Variants in CFAP77 observed in about 807,000 individuals in gnomAD.
CFAP77 encodes the protein cilia- and flagella-associated protein 77.
Under a neutral mutation model 31.1 loss-of-function variants are expected in CFAP77, and 25 were observed. The observed-to-expected ratio is 0.80, with a 90% confidence interval of 0.59 to 1.12. The LOEUF is 1.12. Among genes scored for constraint, CFAP77 ranks in the 50% most tolerant of loss-of-function variants. The probability of loss-of-function intolerance (pLI) is 0.00; values close to 1 mark genes in which losing one functional copy is unlikely to be tolerated. For synonymous variants in CFAP77, 151 were observed against 159.9 expected (o/e 0.94, Z 0.42); for missense variants, 377 against 397.3 (o/e 0.95, Z 0.44).
At chr9:132,510,697 G>A (rs570136401) in intron 3 of CFAP77, among the ~76,000 whole-genome samples, 1 of 152,110 alleles carries the variant, frequency 6.6e-6, no homozygotes, top group Non-Finnish European at 1.5e-5. Flanking sequence ...TCGTGTGGAG[G>A]AACAGTGAGC....
At chr9:132,494,038 A>G (rs1851697674) in intron 1 of CFAP77, among the ~76,000 whole-genome samples, 1 of 152,014 alleles carries the variant, frequency 6.6e-6, no homozygotes. Context: ...CAGCCTCCCA[A>G]GTAGCTGGAA....
chr9:132,519,358 G>C (rs1402389476), intron 3 of CFAP77, among the ~76,000 whole-genome samples: 1 of 147,676 alleles, frequency 6.8e-6, no homozygotes, highest in Non-Finnish European at 1.5e-5. Flanking sequence ...GCAAGTGGGT[G>C]GATGGTTGGG....
At chr9:132,543,688 C>G (rs769595573) in intron 5 of CFAP77, among the ~76,000 whole-genome samples, 1 of 152,138 alleles carries the variant, frequency 6.6e-6, no homozygotes, top group Non-Finnish European at 1.5e-5. Flanking sequence ...GAGAGAGGAG[C>G]AAAGGTCTAC....
intron 1 of CFAP77, among the ~76,000 whole-genome samples, chr9:132,461,218 T>G (rs968389898): frequency 6.6e-6 from 1 of 152,198 alleles, no homozygotes; most frequent in African/African-American, 2.4e-5. Context: ...ATCACACTTC[T>G]TATAGATGGA....
chr9:132,421,002 CTTTTT>C (rs754764941), intron 1 of CFAP77, among the ~76,000 whole-genome samples: 1 of 74,514 alleles, frequency 1.3e-5, no homozygotes. Flanking sequence ...TGGCTTGTGT[CTTTTT>C]TTTTTTTTTT....
intron 3 of CFAP77, among the ~76,000 whole-genome samples, chr9:132,508,765 C>T (rs777175233): frequency 6.6e-6 from 1 of 152,154 alleles, no homozygotes; most frequent in African/African-American, 2.4e-5. Flanking sequence ...AGCCCTGTAC[C>T]TCATCTCATT....
chr9:132,536,199 G>A (rs777717194), intron 3 of CFAP77, among the ~76,000 whole-genome samples: 17 of 152,128 alleles, frequency 1.1e-4, no homozygotes, highest in Admixed American at 7.9e-4. Flanking sequence ...TAGGGGAGCT[G>A]GGAGTTATTA....
At chr9:132,518,840 G>A (rs1207652718) in intron 3 of CFAP77, among the ~76,000 whole-genome samples, 1 of 152,220 alleles carries the variant, frequency 6.6e-6, no homozygotes, top group Non-Finnish European at 1.5e-5. Flanking sequence ...GCAGGTGGCT[G>A]TCTACACTGG....
chr9:132,410,383 G>C lies in CFAP77; in HGVS notation c.112G>C (p.Val38Leu). Residue 38 changes from valine to leucine, a missense_variant, in exon 1 of 6, where the codon GTG becomes CTG. Val to Leu is a conservative substitution (Grantham distance 32). Coordinates refer to ENST00000393216, the MANE Select transcript of CFAP77 (RefSeq NM_001282957.2). ...VCPPPRRPLT[V>L]ADIRSGMENE... ...CCCGCCCCCGCGGCGGCCCCTGACC[G>C]TGGCGGACATCCGTTCCGGCATGGA... 1 of 1,600,354 alleles carries C rather than the reference G, an allele frequency of 6.2e-7. No individual in the cohort carries two copies.
intron 3 of CFAP77, among the ~76,000 whole-genome samples, chr9:132,521,128 G>A (rs1852256591): frequency 6.6e-6 from 1 of 152,032 alleles, no homozygotes. Flanking sequence ...CTGCCGGCCT[G>A]GCCGGGCTCT....
At chr9:132,529,597 C>T (rs935279560) in intron 3 of CFAP77, among the ~76,000 whole-genome samples, 1 of 151,124 alleles carries the variant, frequency 6.6e-6, no homozygotes, top group Admixed American at 6.6e-5. Context: ...GAGGCCGAGG[C>T]GGACGGATCA....
intron 3 of CFAP77, among the ~76,000 whole-genome samples, chr9:132,529,824 CAAA>C (rs572231164): frequency 8.6e-6 from 1 of 116,052 alleles, no homozygotes. Flanking sequence ...GACTCTGTCT[CAAA>C]AAAAAAAAAA....
At chr9:132,447,151 C>T (rs1850738282) in intron 1 of CFAP77, among the ~76,000 whole-genome samples, 1 of 152,242 alleles carries the variant, frequency 6.6e-6, no homozygotes, top group East Asian at 1.9e-4. Context: ...AGGATTCAGA[C>T]CCCAGTCTGA....
intron 3 of CFAP77, among the ~76,000 whole-genome samples, chr9:132,519,378 GGATA>G: frequency 6.9e-6 from 1 of 145,552 alleles, no homozygotes; most frequent in African/African-American, 2.6e-5. Context: ...GTGGATGGAT[GGATA>G]GGTGGATGGA....
At chr9:132,562,990 A>G (rs1829839221) in intron 5 of CFAP77, among the ~76,000 whole-genome samples, 2 of 151,202 alleles carry the variant, frequency 1.3e-5, no homozygotes, top group South Asian at 4.2e-4. Flanking sequence ...GAGCCACCCC[A>G]CCTGGCCGCA....
At chr9:132,555,991 C>T (rs777647944) in intron 5 of CFAP77, among the ~76,000 whole-genome samples, 8 of 152,038 alleles carry the variant, frequency 5.3e-5, no homozygotes, top group South Asian at 4.2e-4. Flanking sequence ...TCAGGTTCCG[C>T]GCACAGATAG....
intron 1 of CFAP77, among the ~76,000 whole-genome samples, chr9:132,452,162 C>T (rs1312452335): frequency 2.0e-5 from 3 of 152,214 alleles, no homozygotes; most frequent in Non-Finnish European, 4.4e-5. Context: ...CCCATTAGGG[C>T]TCCCCTTGCT....
rs574061512 is a variant in CFAP77 at position 132,414,935 on chromosome 9, C to T, written c.195+4469C>T. On this transcript the variant is annotated intron_variant, in intron 1 of 5. Coordinates refer to ENST00000393216, the MANE Select transcript of CFAP77 (RefSeq NM_001282957.2). ...CATCTCTAATAAATATTGATGCTGG[C>T]GAACATAAAGGCACGGAGAGGGACC... Among the ~76,000 whole-genome samples the T allele has an allele frequency of 2.9e-3, 444 of 152,142 alleles. 2 individuals are homozygous for T. The highest frequency in any genetic ancestry group is 9.9e-3 in the African/African-American group (410 of 41,486).
At chr9:132,541,482 G>C (rs1852640590) in intron 4 of CFAP77, among the ~76,000 whole-genome samples, 2 of 152,198 alleles carry the variant, frequency 1.3e-5, no homozygotes, top group African/African-American at 4.8e-5. Flanking sequence ...CCAGCACTTT[G>C]GGAGGCCAAG....
Sources: allele counts gnomAD v4.1 joint callset (sites outside exome capture counted in the v4.1 genomes callset), GRCh38; gene constraint gnomAD v4.1.1; transcripts MANE v1.5; gene names NCBI Gene and HGNC (gene_info 2026-07-23, HGNC 2026-07-21).